The following ADAMTS20 variants were observed in gnomAD, a reference collection of about 807,000 sequenced individuals.
The protein encoded by ADAMTS20 is A disintegrin and metalloproteinase with thrombospondin motifs 20.
Under a neutral mutation model 260.1 loss-of-function variants are expected in ADAMTS20, and 225 were observed. The ratio of observed to expected loss-of-function variants is 0.87; its 90% confidence interval spans 0.78 to 0.97. The LOEUF (loss-of-function observed/expected upper bound fraction) is 0.97, where lower values mean the gene tolerates loss of function less well. Ranked by LOEUF, ADAMTS20 falls within the 50% of genes least tolerant of loss-of-function variation. ADAMTS20 has a pLI of 0.00. For missense variants in ADAMTS20, 2,400 were observed against 2,337.7 expected, an observed-to-expected ratio of 1.03 and a Z score of -0.55; for synonymous variants, 802 against 769.5, an observed-to-expected ratio of 1.04 and a Z score of -0.70.
In ADAMTS20 at chr12:43,409,601, C is replaced by CAAAA. The variant is rs67474640; in HGVS notation, c.4285-10372_4285-10369dup. 4.7e-4 allele frequency among the ~76,000 whole-genome samples: 22 copies of CAAAA among 46,906 alleles called. 1 individual carries two copies. Among genetic ancestry groups the CAAAA allele is most frequent in the African/African-American group, 1.7e-3 (12 of 6,964 alleles). 30.8% of individuals were successfully genotyped at this position (46,906 alleles called of 152,430 possible). On this transcript the variant is annotated intron_variant, in intron 28 of 38. Coordinates refer to ENST00000389420, the MANE Select transcript of ADAMTS20 (RefSeq NM_025003.5). ...TGGGCGACAGAGCGAGACTCCGTCT[C>CAAAA]AAAAAAAAAAAAAAAAAAAAAAAAA...
intron 7 of ADAMTS20, among the ~76,000 whole-genome samples, chr12:43,469,130 T>C (rs1273602306): frequency 6.6e-6 from 1 of 152,138 alleles, no homozygotes; most frequent in East Asian, 1.9e-4. Flanking sequence ...GAAGTTTCTT[T>C]ACTTTTTTAA....
At chr12:43,433,519 A>G (rs560817964) in intron 19 of ADAMTS20, among the ~76,000 whole-genome samples, 10 of 152,256 alleles carry the variant, frequency 6.6e-5, no homozygotes, top group South Asian at 6.2e-4. Flanking sequence ...TGCTTCTGCT[A>G]TGCCTTCAAC....
chr12:43,454,191 T>C, intron 11 of ADAMTS20, 139 bp from the exon 12 acceptor site: 1 of 958,898 alleles, frequency 1.0e-6, no homozygotes, highest in Non-Finnish European at 1.5e-6. Context: ...CAGATTACAT[T>C]TGAAATGATT....
intron 2 of ADAMTS20, among the ~76,000 whole-genome samples, chr12:43,533,305 GTGA>G (rs1943251444): frequency 6.6e-6 from 1 of 151,184 alleles, no homozygotes; most frequent in African/African-American, 2.4e-5. Context: ...CTGATGGCCA[GTGA>G]TGATGAGCAT....
At chr12:43,446,802 A>C in intron 14 of ADAMTS20, 90 bp from the exon 15 acceptor site, 3 of 1,065,930 alleles carry the variant, frequency 2.8e-6, no homozygotes, top group Non-Finnish European at 4.2e-6. Context: ...AGATATGACA[A>C]AGGGGATTTA....
In ADAMTS20 at chr12:43,515,228, A is replaced by G. The variant is rs145317053; in HGVS notation, c.614-12823T>C. On this transcript the variant is annotated intron_variant, in intron 3 of 38. Transcript: ENST00000389420. Reference sequence around the variant, plus strand: ...AAATACTTTCCAAAATACAAAGGTAATTCAAAGTAACCATTTATAATTTTT... The same window carrying G: ...AAATACTTTCCAAAATACAAAGGTAGTTCAAAGTAACCATTTATAATTTTT... 2.3e-3 allele frequency among the ~76,000 whole-genome samples: 345 copies of G among 152,364 alleles called. 1 individual carries two copies. The highest frequency in any genetic ancestry group is 7.8e-3 in the African/African-American group (325 of 41,594).
chr12:43,501,201 G>C (rs1048133834), intron 4 of ADAMTS20, among the ~76,000 whole-genome samples: 1 of 151,590 alleles, frequency 6.6e-6, no homozygotes, highest in Non-Finnish European at 1.5e-5. Context: ...TGGGATTATA[G>C]GCATTCACCA....
At chr12:43,483,531 A>G (rs10748361) in intron 7 of ADAMTS20, among the ~76,000 whole-genome samples, 118,258 of 152,056 alleles carry the variant, frequency 0.78, 47,137 homozygotes, top group East Asian at 1. Context: ...CACAGGAGGA[A>G]CACCCTCCAG....
intron 10 of ADAMTS20, 63 bp downstream of exon 10, chr12:43,464,528 A>C (rs759362027): frequency 1.9e-6 from 3 of 1,544,000 alleles, no homozygotes; most frequent in Non-Finnish European, 2.6e-6. Context: ...CACATTTTGA[A>C]ATATATTCTA....
chr12:43,445,950 T>A (rs959443971), intron 15 of ADAMTS20, among the ~76,000 whole-genome samples: 4 of 151,990 alleles, frequency 2.6e-5, no homozygotes, highest in African/African-American at 4.8e-5. Context: ...CAAAAAAAAA[T>A]TGCCCAGAAA....
intron 7 of ADAMTS20, among the ~76,000 whole-genome samples, chr12:43,480,493 G>A (rs754138826): frequency 7.1e-4 from 108 of 152,074 alleles, no homozygotes; most frequent in Non-Finnish European, 8.2e-4. Context: ...TCAGCTTTTT[G>A]AGAAATCTTC....
chr12:43,401,885 C>A (rs1197451324), intron 28 of ADAMTS20, among the ~76,000 whole-genome samples: 1 of 151,804 alleles, frequency 6.6e-6, no homozygotes, highest in African/African-American at 2.4e-5. Context: ...ACCATGCAAA[C>A]CTTTGCTCTC....
chr12:43,454,995 A>G (rs761610986), intron 11 of ADAMTS20, among the ~76,000 whole-genome samples: 10 of 152,196 alleles, frequency 6.6e-5, no homozygotes, highest in Non-Finnish European at 1.2e-4. Flanking sequence ...ACCAATCTCC[A>G]GAACTTTTCC....
intron 3 of ADAMTS20, among the ~76,000 whole-genome samples, chr12:43,508,208 G>T (rs933319555): frequency 2.6e-5 from 4 of 151,936 alleles, no homozygotes; most frequent in Non-Finnish European, 5.9e-5. Context: ...CACTGAAGGA[G>T]ATGATAATTA....
At chr12:43,460,557 C>T (rs188480739) in intron 11 of ADAMTS20, among the ~76,000 whole-genome samples, 34 of 152,240 alleles carry the variant, frequency 2.2e-4, no homozygotes, top group African/African-American at 8.2e-4. Flanking sequence ...GTTAAACATA[C>T]ACTCACCCTA....
In ADAMTS20 at chr12:43,505,206, GT is replaced by G. The variant is rs547979814; in HGVS notation, c.614-2802del. 7.4e-4 allele frequency among the ~76,000 whole-genome samples: 112 copies of G among 152,212 alleles called. No homozygotes were observed. The South Asian group carries it at 8.3e-3, about 11-fold the overall frequency. Reference sequence around the variant, plus strand: ...ACTCCTAGAAGAAAACATAGAGAAAGTGTTTCATAACATTGGATTTGGCAGT... The same window carrying G: ...ACTCCTAGAAGAAAACATAGAGAAAGGTTTCATAACATTGGATTTGGCAGT... On this transcript the variant is annotated intron_variant, in intron 3 of 38. Coordinates refer to ENST00000389420, the MANE Select transcript of ADAMTS20 (RefSeq NM_025003.5).
intron 7 of ADAMTS20, among the ~76,000 whole-genome samples, chr12:43,487,242 A>C (rs772805981): frequency 6.6e-6 from 1 of 152,214 alleles, no homozygotes; most frequent in Non-Finnish European, 1.5e-5. Context: ...CACACACACA[A>C]AAACAATGAA....
intron 14 of ADAMTS20, among the ~76,000 whole-genome samples, chr12:43,451,786 C>T (rs1367441781): frequency 6.6e-6 from 1 of 152,044 alleles, no homozygotes; most frequent in Non-Finnish European, 1.5e-5. Flanking sequence ...AGTCTTTTAT[C>T]CTGGTGACTT....
At position 43,509,850 on chromosome 12, in the gene ADAMTS20, T is replaced by C. The variant is rs553286162; in HGVS notation, c.614-7445A>G. Reference sequence around the variant, plus strand: ...ACCAAACTGACTGCTATAAAAGCAATATGCTGGCTCTCATCACTATCATAT... The same window carrying C: ...ACCAAACTGACTGCTATAAAAGCAACATGCTGGCTCTCATCACTATCATAT... On this transcript the variant is annotated intron_variant, in intron 3 of 38. Transcript: ENST00000389420. 5.3e-5 allele frequency among the ~76,000 whole-genome samples: 8 copies of C among 152,306 alleles called. No individual in the cohort carries two copies. The South Asian group carries it at 1.7e-3, about 32-fold the overall frequency.
Sources: allele counts gnomAD v4.1 joint callset (sites outside exome capture counted in the v4.1 genomes callset), GRCh38; gene constraint gnomAD v4.1.1; transcripts MANE v1.5; gene names NCBI Gene and HGNC (gene_info 2026-07-23, HGNC 2026-07-21).